The following ZNF107 variants were observed in gnomAD, a reference collection of about 807,000 sequenced individuals.
ZNF107 encodes C2H2 type zinc-finger protein.
Under a neutral mutation model 12.3 loss-of-function variants are expected in ZNF107, and 19 were observed. The ratio of observed to expected loss-of-function variants is 1.55; its 90% confidence interval spans 1.08 to 2.27. ZNF107 has a LOEUF of 2.27. Among genes scored for constraint, ZNF107 ranks in the 30% most tolerant of loss-of-function variants. The probability of loss-of-function intolerance (pLI) is 0.00; values close to 1 mark genes in which losing one functional copy is unlikely to be tolerated. For synonymous variants in ZNF107, 317 were observed against 330.5 expected, an observed-to-expected ratio of 0.96 and a Z score of 0.44; for missense variants, 958 against 979.9, an observed-to-expected ratio of 0.98 and a Z score of 0.30.
chr7:64,684,797 C>G (rs766278436), intron 1 of ZNF107: 5 of 898,526 alleles, frequency 5.6e-6, no homozygotes, highest in Non-Finnish European at 5.3e-6. Context: ...TTCCTACTCA[C>G]TCTTTATCTA....
At chr7:64,672,448 C>A (rs977778172) in intron 1 of ZNF107, among the ~76,000 whole-genome samples, 1 of 152,114 alleles carries the variant, frequency 6.6e-6, no homozygotes, top group Admixed American at 6.5e-5. Context: ...CCTCAACCTC[C>A]CTGGCTCAAG....
At chr7:64,702,323 G>A (rs1280104987) in intron 3 of ZNF107, among the ~76,000 whole-genome samples, 2 of 151,646 alleles carry the variant, frequency 1.3e-5, no homozygotes. Context: ...TTTTAGTAGA[G>A]ACAGGGTTTC....
intron 1 of ZNF107, among the ~76,000 whole-genome samples, chr7:64,689,103 T>C (rs1790028716): frequency 6.6e-6 from 1 of 152,162 alleles, no homozygotes. Context: ...TTCATGTAGC[T>C]TCAGCTTTTT....
chr7:64,709,444 T>C lies in ZNF107; in HGVS notation c.*788T>C. 2.9e-6 allele frequency: 1 copy of C among 344,744 alleles called. No individual in the cohort carries two copies. The allele number at this position is 344,744 out of a possible 1,614,324, so 21.4% of individuals were successfully genotyped here. ...AACCTCACTAAACATAAGATAATACTGAAAACTTTACAAACCTGAATGATG... is the reference window on the plus strand; with the variant it reads ...AACCTCACTAAACATAAGATAATACCGAAAACTTTACAAACCTGAATGATG... On this transcript the variant is annotated 3_prime_UTR_variant, in exon 4 of 4. Transcript: ENST00000620827.
chr7:64,707,793 A>G lies in ZNF107; in HGVS notation c.1696A>G (p.Lys566Glu), dbSNP rs1187100672. ...AATTCATACTGGAGAAAAACCCTAT[A>G]AATGTGAAGAATGTGGAAAAGCCTT... ...KRIHTGEKPY[K>E]CEECGKAFNQ... The change falls in exon 4 of 4, where the codon AAA (lysine) becomes GAA (glutamate). Residue 566 changes from lysine (K) to glutamate (E), a missense_variant. Transcript: ENST00000620827. The G allele has an allele frequency of 6.2e-7, 1 of 1,611,970 alleles. No individual in the cohort carries two copies. Among genetic ancestry groups the G allele is most frequent in the Non-Finnish European group, 8.5e-7 (1 of 1,179,390 alleles).
chr7:64,703,072 TAA>T (rs1790528655), intron 3 of ZNF107, among the ~76,000 whole-genome samples: 1 of 152,210 alleles, frequency 6.6e-6, no homozygotes, highest in African/African-American at 2.4e-5. Context: ...TGGCATTCGA[TAA>T]GTTTTGCATT....
At chr7:64,669,619 C>T (rs1789145633) in intron 1 of ZNF107, among the ~76,000 whole-genome samples, 1 of 151,934 alleles carries the variant, frequency 6.6e-6, no homozygotes, top group Middle Eastern at 3.4e-3. Flanking sequence ...CATGGTGAAG[C>T]CCCGTCTCTA....
intron 1 of ZNF107, among the ~76,000 whole-genome samples, chr7:64,687,878 T>C (rs796412505): frequency 1.3e-5 from 2 of 152,232 alleles, no homozygotes; most frequent in East Asian, 1.9e-4. Context: ...CTTTTATTTA[T>C]ATTTTCCAAA....
At chr7:64,679,332 G>A (rs1362854223) in intron 1 of ZNF107, 1 of 985,076 alleles carries the variant, frequency 1.0e-6, no homozygotes, top group Non-Finnish European at 1.2e-6. Flanking sequence ...TCTGCCTTCG[G>A]ATAGGTAAGA....
At chr7:64,678,871 C>T (rs1201702002) in intron 1 of ZNF107, 5 of 152,016 alleles carry the variant, frequency 3.3e-5, no homozygotes, top group South Asian at 2.1e-4. Context: ...CACTCAAAAA[C>T]CATAATAGCT....
Position 64,708,852 on chromosome 7 carries a change from G to T in ZNF107, c.*196G>T. ...ATCTTCAAACCTTACTGAAAGTTGA[G>T]AAAATTCGTACTGGAGAGAATCCTA... is the stretch of plus-strand genomic sequence containing the variant. On this transcript the variant is annotated 3_prime_UTR_variant, in exon 4 of 4. Coordinates refer to ENST00000620827, the MANE Select transcript of ZNF107 (RefSeq NM_001282359.2). 1 of 643,944 alleles carries T rather than the reference G, an allele frequency of 1.6e-6. No individual in the cohort carries two copies. The highest frequency in any genetic ancestry group is 2.6e-6 in the Non-Finnish European group (1 of 379,982). 39.9% of individuals were successfully genotyped at this position (643,944 alleles called of 1,614,324 possible). A position where few individuals can be genotyped will look rare whatever the true frequency, so the allele number is the denominator to read the frequency against.
At position 64,666,182 on chromosome 7, in the gene ZNF107, C is replaced by T. The variant is rs1788992263; in HGVS notation, c.-101C>T. ...AGCTCCTGCTCTCCTCCTCACTGCT[C>T]AGTGTCCTCTGCTCCTAGAGGCCCA... On this transcript the variant is annotated 5_prime_UTR_variant, in exon 1 of 4. Transcript: ENST00000620827. The T allele has an allele frequency of 3.3e-6, 5 of 1,495,702 alleles. No homozygotes were observed. The African/African-American group carries it at 5.5e-5, about 17-fold the overall frequency. 92.7% of individuals were successfully genotyped at this position (1,495,702 alleles called of 1,614,324 possible). A position where few individuals can be genotyped will look rare whatever the true frequency, so the allele number is the denominator to read the frequency against.
chr7:64,706,785 A>G lies in ZNF107; in HGVS notation c.688A>G (p.Lys230Glu). ...KRIHTGEKPY[K>E]CEECGKAFNQ... ...AATTCATACTGGAGAAAAGCCCTACAAATGTGAAGAATGTGGCAAAGCCTT... is the reference window on the plus strand; with the variant it reads ...AATTCATACTGGAGAAAAGCCCTACGAATGTGAAGAATGTGGCAAAGCCTT... The change falls in exon 4 of 4, where the codon AAA (lysine) becomes GAA (glutamate). Residue 230 changes from lysine to glutamate, a missense_variant. Lys to Glu is a moderately conservative substitution (Grantham distance 56). Transcript: ENST00000620827. The G allele has an allele frequency of 6.2e-7, 1 of 1,613,546 alleles. No individual in the cohort carries two copies. The highest frequency in any genetic ancestry group is 8.5e-7 in the Non-Finnish European group (1 of 1,179,806).
chr7:64,697,152 C>CT (rs1790319586), intron 3 of ZNF107, among the ~76,000 whole-genome samples: 1 of 152,058 alleles, frequency 6.6e-6, no homozygotes, highest in Non-Finnish European at 1.5e-5. Flanking sequence ...TGAACTCATC[C>CT]TTTTTTATGG....
Position 64,708,526 on chromosome 7 carries a change from T to C in ZNF107, c.2429T>C (p.Ile810Thr), listed in dbSNP as rs142611010. The change falls in exon 4 of 4, where the codon ATT becomes ACT. Residue 810 changes from isoleucine (I) to threonine (T), a missense_variant. Coordinates refer to ENST00000620827, the MANE Select transcript of ZNF107 (RefSeq NM_001282359.2). ...QFSSLNIHKI[I>T]HTGEKPYKCG... ...TCATCTCTTAATATACATAAGATAA[T>C]TCATACTGGAGAGAAACCCTACAAA... 40 of 1,612,900 alleles carry C rather than the reference T, an allele frequency of 2.5e-5. No individual in the cohort carries two copies. In the African/African-American group the frequency reaches 5.2e-4, roughly 21 times the overall value.
At chr7:64,695,021 C>G (rs890083977) in intron 3 of ZNF107, among the ~76,000 whole-genome samples, 1 of 151,826 alleles carries the variant, frequency 6.6e-6, no homozygotes, top group Admixed American at 6.6e-5. Context: ...TTCTCAAATA[C>G]TTTTATATAT....
intron 3 of ZNF107, among the ~76,000 whole-genome samples, chr7:64,702,593 T>C (rs1029938035): frequency 3.9e-5 from 6 of 152,112 alleles, no homozygotes; most frequent in African/African-American, 1.2e-4. Flanking sequence ...AAAGTTTCGC[T>C]CTTGTTCAGG....
chr7:64,693,391 C>T (rs978682430), intron 3 of ZNF107, among the ~76,000 whole-genome samples: 6 of 150,576 alleles, frequency 4.0e-5, no homozygotes, highest in African/African-American at 1.5e-4. Flanking sequence ...ACAATGGGCA[C>T]AATATAGTTT....
At chr7:64,696,764 G>T (rs1790302385) in intron 3 of ZNF107, among the ~76,000 whole-genome samples, 1 of 151,958 alleles carries the variant, frequency 6.6e-6, no homozygotes, top group Non-Finnish European at 1.5e-5. Flanking sequence ...TTATTTTAGT[G>T]ACATAATATT....
Sources: allele counts gnomAD v4.1 joint callset (sites outside exome capture counted in the v4.1 genomes callset), GRCh38; gene constraint gnomAD v4.1.1; transcripts MANE v1.5; gene names NCBI Gene and HGNC (gene_info 2026-07-23, HGNC 2026-07-21).